RNF13: variants seen among roughly 807,000 people sequenced by gnomAD.
The protein encoded by RNF13 is ring finger protein 13.
In RNF13, 19 loss-of-function variants were observed where a neutral mutation model predicts 37.7. The ratio of observed to expected loss-of-function variants is 0.50; its 90% CI spans 0.35 to 0.74. RNF13 has a LOEUF of 0.74. Ranked by LOEUF, RNF13 falls within the 30% of genes least tolerant of loss-of-function variation. RNF13 has a pLI of 0.01. For missense variants in RNF13, 375 were observed against 453.0 expected (o/e 0.83, Z 1.56); for synonymous variants, 144 against 157.8 (o/e 0.91, Z 0.65).
At chr3:149,841,486 A>T (rs1156606594) in intron 1 of RNF13, among the ~76,000 whole-genome samples, 1 of 152,220 alleles carries the variant, frequency 6.6e-6, no homozygotes, top group Non-Finnish European at 1.5e-5. Flanking sequence ...AGTGTATTTT[A>T]GTTCCTGGGT....
chr3:149,820,962 G>A (rs1224390183), intron 1 of RNF13, among the ~76,000 whole-genome samples: 1 of 152,106 alleles, frequency 6.6e-6, no homozygotes, highest in Non-Finnish European at 1.5e-5. Flanking sequence ...CCCACATGTA[G>A]CATATATCAG....
intron 8 of RNF13, among the ~76,000 whole-genome samples, chr3:149,952,605 C>A (rs1173552427): frequency 1.4e-5 from 2 of 146,034 alleles, no homozygotes; most frequent in East Asian, 4.0e-4. Context: ...AAAGGAAATG[C>A]TTTTTTTTTT....
intron 8 of RNF13, among the ~76,000 whole-genome samples, chr3:149,952,954 T>G (rs973691185): frequency 1.3e-5 from 2 of 152,118 alleles, no homozygotes; most frequent in African/African-American, 2.4e-5. Flanking sequence ...ATTCCAAAAC[T>G]CCCATTACCT....
chr3:149,816,088 C>T (rs964278909), intron 1 of RNF13, among the ~76,000 whole-genome samples: 7 of 145,120 alleles, frequency 4.8e-5, no homozygotes, highest in Non-Finnish European at 7.5e-5. Context: ...TTTGTAGAGA[C>T]AAGGTCTCAT....
chr3:149,877,409 T>A (rs922901556), intron 4 of RNF13, among the ~76,000 whole-genome samples: 3 of 151,754 alleles, frequency 2.0e-5, no homozygotes, highest in Admixed American at 1.3e-4. Context: ...AGAATTTTTT[T>A]AAATTACCAT....
intron 3 of RNF13, among the ~76,000 whole-genome samples, chr3:149,860,634 G>T (rs936588720): frequency 2.6e-5 from 4 of 151,926 alleles, no homozygotes; most frequent in African/African-American, 9.7e-5. Context: ...ATGGATTAAA[G>T]AATTAAAGCC....
intron 1 of RNF13, among the ~76,000 whole-genome samples, chr3:149,814,972 G>A (rs1219784694): frequency 6.6e-6 from 1 of 151,706 alleles, no homozygotes; most frequent in East Asian, 1.9e-4. Context: ...TTGAAGCTAG[G>A]CAGCTTGACA....
intron 7 of RNF13, among the ~76,000 whole-genome samples, chr3:149,920,783 T>C (rs1232752077): frequency 7.4e-6 from 1 of 134,622 alleles, no homozygotes; most frequent in Non-Finnish European, 1.6e-5. Context: ...ATATCAACCT[T>C]CCCATTCTTT....
chr3:149,931,340 G>A (rs1406038462), intron 8 of RNF13, among the ~76,000 whole-genome samples: 2 of 152,168 alleles, frequency 1.3e-5, no homozygotes, highest in African/African-American at 4.8e-5. Context: ...TGGGATTACA[G>A]GCATGAGCCA....
At chr3:149,935,394 C>T (rs943540755) in intron 8 of RNF13, among the ~76,000 whole-genome samples, 2 of 152,036 alleles carry the variant, frequency 1.3e-5, no homozygotes, top group African/African-American at 4.8e-5. Context: ...TAGGTAAGAA[C>T]TTCCTCCTGT....
intron 1 of RNF13, among the ~76,000 whole-genome samples, chr3:149,820,288 G>A (rs1357856950): frequency 6.6e-6 from 1 of 151,716 alleles, no homozygotes; most frequent in East Asian, 1.9e-4. Flanking sequence ...CTGGCCCCAA[G>A]CAATCCTCCC....
intron 8 of RNF13, among the ~76,000 whole-genome samples, chr3:149,951,429 C>T (rs573453143): frequency 1.3e-5 from 2 of 152,270 alleles, no homozygotes; most frequent in East Asian, 1.9e-4. Context: ...GTTTTATTAC[C>T]TCATGTCCAG....
chr3:149,961,052 T>C lies in RNF13; in HGVS notation c.1094T>C (p.Val365Ala), dbSNP rs766430142. The C allele has an allele frequency of 5.0e-6, 8 of 1,613,910 alleles. No individual in the cohort carries two copies. The African/African-American group carries it at 1.1e-4, about 22-fold the overall frequency. Residue 365 changes from valine (V) to alanine (A), a missense_variant, in exon 10 of 10, where the codon GTC (valine) becomes GCC (alanine). Physicochemically the swap from Val to Ala is moderately conservative, Grantham distance 64. Coordinates refer to ENST00000392894, the MANE Select transcript of RNF13 (RefSeq NM_183381.3). ...ENEINEHDVV[V>A]QLQPNGERDY... ...GAAATTAATGAACATGATGTCGTGG[T>C]CCAGTTGCAGCCTAATGGTGAACGG...
At chr3:149,860,275 A>G (rs1474964615) in intron 3 of RNF13, among the ~76,000 whole-genome samples, 1 of 83,882 alleles carries the variant, frequency 1.2e-5, no homozygotes, top group South Asian at 3.9e-4. Flanking sequence ...AAAAAAATAT[A>G]TATATATATA....
At chr3:149,942,802 T>G (rs1272478624) in intron 8 of RNF13, among the ~76,000 whole-genome samples, 1 of 152,200 alleles carries the variant, frequency 6.6e-6, no homozygotes, top group Non-Finnish European at 1.5e-5. Flanking sequence ...AGTTTCAGTC[T>G]TCTTTTGTTG....
intron 1 of RNF13, among the ~76,000 whole-genome samples, chr3:149,835,469 A>G (rs1267732774): frequency 2.0e-5 from 3 of 151,934 alleles, no homozygotes; most frequent in Admixed American, 6.6e-5. Context: ...TATCATTCTT[A>G]TACCGTTGCA....
At chr3:149,845,975 C>A in intron 1 of RNF13, 36 bp from the exon 2 acceptor site, 1 of 1,144,496 alleles carries the variant, frequency 8.7e-7, no homozygotes, top group Non-Finnish European at 1.3e-6. Flanking sequence ...TGGGACAAAG[C>A]ACCAGCTCTC....
At chr3:149,891,100 T>C (rs1035994126) in intron 4 of RNF13, among the ~76,000 whole-genome samples, 7 of 152,196 alleles carry the variant, frequency 4.6e-5, no homozygotes, top group Non-Finnish European at 8.8e-5. Flanking sequence ...TCCTGATCCA[T>C]TGGGCAACCC....
intron 7 of RNF13, among the ~76,000 whole-genome samples, chr3:149,912,977 G>C (rs1037131543): frequency 3.3e-5 from 5 of 152,016 alleles, no homozygotes; most frequent in African/African-American, 1.2e-4. Flanking sequence ...TATTTGGACA[G>C]ATATTAAAAT....
Sources: gnomAD v4.1 joint callset for allele counts (sites outside exome capture counted in the v4.1 genomes callset) on GRCh38, gnomAD v4.1.1 for gene constraint, MANE v1.5 for transcripts, NCBI Gene and HGNC (gene_info 2026-07-23, HGNC 2026-07-21) for gene names.